Variants in BTBD1 observed in about 807,000 individuals in gnomAD.
BTBD1 encodes BTB domain containing 1, also known as BTB/POZ domain-containing protein 1.
In BTBD1, 34 loss-of-function variants were observed where a neutral mutation model predicts 48.0. The observed-to-expected ratio is 0.71, with a 90% CI of 0.54 to 0.94. The LOEUF is 0.94. Ranked by LOEUF, BTBD1 falls within the 40% of genes least tolerant of loss-of-function variation. The probability of loss-of-function intolerance (pLI) is 0.00; values close to 1 mark genes in which losing one functional copy is unlikely to be tolerated. For missense variants in BTBD1, 543 were observed against 625.6 expected, an observed-to-expected ratio of 0.87 and a Z score of 1.41; for synonymous variants, 261 against 242.1, an observed-to-expected ratio of 1.08 and a Z score of -0.72.
At chr15:83,055,234 T>G (rs889470270) in intron 2 of BTBD1, among the ~76,000 whole-genome samples, 2 of 152,200 alleles carry the variant, frequency 1.3e-5, no homozygotes, top group African/African-American at 4.8e-5. Flanking sequence ...TTGTAAAAAT[T>G]CATTAGACTA....
chr15:83,064,648 G>A (rs1462564637), intron 1 of BTBD1, among the ~76,000 whole-genome samples: 1 of 151,974 alleles, frequency 6.6e-6, no homozygotes, highest in Non-Finnish European at 1.5e-5. Context: ...TAGGGAGAGT[G>A]TTAAAAATGC....
chr15:83,024,285 G>A (rs1261117595), intron 5 of BTBD1: 3 of 152,098 alleles, frequency 2.0e-5, no homozygotes, highest in Non-Finnish European at 2.9e-5. Flanking sequence ...CTCTACAGAT[G>A]TGTTTGTCTT....
intron 5 of BTBD1, chr15:83,029,883 A>C: frequency 2.3e-6 from 1 of 440,968 alleles, no homozygotes; most frequent in Non-Finnish European, 4.0e-6. Flanking sequence ...AAACAAAAAA[A>C]TCACGTAACA....
chr15:83,056,947 C>G (rs2033097687), intron 1 of BTBD1, among the ~76,000 whole-genome samples: 1 of 152,140 alleles, frequency 6.6e-6, no homozygotes, highest in South Asian at 2.1e-4. Context: ...CCTCCCACCT[C>G]AGCCTCAACT....
At position 83,017,214 on chromosome 15, in the gene BTBD1, G is replaced by A. The variant is rs1400264755; in HGVS notation, c.*853C>T. On this transcript the variant is annotated 3_prime_UTR_variant, in exon 8 of 8. Coordinates refer to ENST00000261721, the MANE Select transcript of BTBD1 (RefSeq NM_025238.4). ...TGTTAGAAATGTTAGTATTTTATTC[G>A]GTTTCTTGCTGTGAAGGATTATCAC... 6.6e-6 allele frequency: 1 copy of A among 152,488 alleles called. No homozygotes were observed. 9.4% of individuals were successfully genotyped at this position (152,488 alleles called of 1,614,324 possible).
At chr15:83,050,792 C>G (rs1056617294) in intron 2 of BTBD1, among the ~76,000 whole-genome samples, 1 of 151,862 alleles carries the variant, frequency 6.6e-6, no homozygotes, top group African/African-American at 2.4e-5. Context: ...AACACAAGAA[C>G]AAATACATAA....
chr15:83,025,822 T>C (rs2032394462), intron 5 of BTBD1, among the ~76,000 whole-genome samples: 1 of 152,098 alleles, frequency 6.6e-6, no homozygotes, highest in Non-Finnish European at 1.5e-5. Flanking sequence ...CAGCCTGGAG[T>C]GCAGTGGCGT....
Position 83,030,165 on chromosome 15 carries a change from C to A in BTBD1, c.1026G>T (p.Trp342Cys). ...INRFQQVESR[W>C]GYSGTSDRIR... ...TTCGATCACTCGTCCCACTGTAACCCCAGCGGCTTTCTACTTGCTGGAATC... is the reference window on the plus strand; with the variant it reads ...TTCGATCACTCGTCCCACTGTAACCACAGCGGCTTTCTACTTGCTGGAATC... Residue 342 changes from tryptophan to cysteine, a missense_variant, in exon 5 of 8, where the codon TGG becomes TGT. Coordinates refer to ENST00000261721, the MANE Select transcript of BTBD1 (RefSeq NM_025238.4). The A allele has an allele frequency of 6.2e-7, 1 of 1,614,068 alleles. No homozygotes were observed. The highest frequency in any genetic ancestry group is 2.2e-5 in the East Asian group (1 of 44,872).
intron 4 of BTBD1, among the ~76,000 whole-genome samples, chr15:83,040,566 G>A (rs1369905426): frequency 1.3e-5 from 2 of 151,750 alleles, no homozygotes; most frequent in African/African-American, 2.4e-5. Flanking sequence ...AGTTTGTGGC[G>A]GTGCACGCCT....
In BTBD1 at chr15:83,018,753, A is replaced by G. The variant is rs2032222517; in HGVS notation, c.1244T>C (p.Ile415Thr). 6.2e-7 allele frequency: 1 copy of G among 1,614,048 alleles called. No individual in the cohort carries two copies. Among genetic ancestry groups the G allele is most frequent in the East Asian group, 2.2e-5 (1 of 44,874 alleles). Residue 415 changes from isoleucine (I) to threonine (T), a missense_variant, in exon 7 of 8, where the codon ATA (isoleucine) becomes ACA (threonine). By Grantham distance (89) the Ile-to-Thr change is moderately conservative. Transcript: ENST00000261721. ...NTFRVMFKEPIEILPNVCYTA... is the reference protein window; with the variant it reads ...NTFRVMFKEPTEILPNVCYTA... ...GTAGCACACATTGGGCAGGATCTCT[A>G]TGGGTTCCTTGAACATGACCCTGAA...
chr15:83,034,688 A>T (rs1467249557), intron 4 of BTBD1, among the ~76,000 whole-genome samples: 1 of 152,146 alleles, frequency 6.6e-6, no homozygotes, highest in Non-Finnish European at 1.5e-5. Flanking sequence ...TAAAGAAGCA[A>T]ATTCAATATA....
intron 6 of BTBD1, 173 bp downstream of exon 6, chr15:83,020,502 C>A: frequency 2.0e-6 from 1 of 496,486 alleles, no homozygotes; most frequent in Non-Finnish European, 3.5e-6. Flanking sequence ...TTTTCTGCAA[C>A]CAGACTTTTT....
At chr15:83,060,747 C>A (rs1005202570) in intron 1 of BTBD1, among the ~76,000 whole-genome samples, 4 of 152,040 alleles carry the variant, frequency 2.6e-5, no homozygotes, top group African/African-American at 9.7e-5. Flanking sequence ...AAGCCAAGAT[C>A]GCGCCACTGT....
At chr15:83,018,639 A>T (rs2032219076) in intron 7 of BTBD1, 68 bp downstream of exon 7, 1 of 1,554,608 alleles carries the variant, frequency 6.4e-7, no homozygotes, top group Non-Finnish European at 8.7e-7. Context: ...AGTGACTCTC[A>T]GCTTCTAAAA....
At chr15:83,051,877 T>TACACACACAC (rs113253261) in intron 2 of BTBD1, among the ~76,000 whole-genome samples, 2,742 of 138,844 alleles carry the variant, frequency 0.02, 43 homozygotes, top group Middle Eastern at 0.03. Context: ...TCCATATATA[T>TACACACACAC]ACACACACAC....
At chr15:83,050,299 A>G in intron 2 of BTBD1, 121 bp from the exon 3 acceptor site, 1 of 566,082 alleles carries the variant, frequency 1.8e-6, no homozygotes, top group South Asian at 3.0e-5. Context: ...ATCTACTTAA[A>G]ATACACGCAA....
At position 83,029,801 on chromosome 15, in the gene BTBD1, C is replaced by T. The variant is rs866358511; in HGVS notation, c.1055+335G>A. 1.2e-4 allele frequency: 27 copies of T among 234,064 alleles called. No homozygotes were observed. In the Middle Eastern group the frequency reaches 4.7e-3, roughly 41 times the overall value. The allele number at this position is 234,064 out of a possible 1,614,324, so 14.5% of individuals were successfully genotyped here. A position where few individuals can be genotyped will look rare whatever the true frequency, so the allele number is the denominator to read the frequency against. Reference sequence around the variant, plus strand: ...GGGAGGATCGCTTGAACCCAGAAGGCGGAGGTTGCAGTGTGAGAGATCCCA... The same window carrying T: ...GGGAGGATCGCTTGAACCCAGAAGGTGGAGGTTGCAGTGTGAGAGATCCCA... On this transcript the variant is annotated intron_variant, in intron 5 of 7. Transcript: ENST00000261721.
intron 2 of BTBD1, among the ~76,000 whole-genome samples, chr15:83,053,609 C>T (rs1596442771): frequency 1.3e-5 from 2 of 152,034 alleles, no homozygotes; most frequent in Admixed American, 6.6e-5. Context: ...GTTAAGTGAT[C>T]GTCTCTACAT....
chr15:83,046,653 C>A (rs2032885071), intron 3 of BTBD1, among the ~76,000 whole-genome samples: 1 of 123,028 alleles, frequency 8.1e-6, no homozygotes, highest in African/African-American at 3.1e-5. Context: ...AAGCATCTGA[C>A]AGCTACCCTA....
Sources: gnomAD v4.1 joint callset for allele counts (sites outside exome capture counted in the v4.1 genomes callset) on GRCh38, gnomAD v4.1.1 for gene constraint, MANE v1.5 for transcripts, NCBI Gene and HGNC (gene_info 2026-07-23, HGNC 2026-07-21) for gene names.